Variants in SNAP29 observed in about 807,000 individuals in gnomAD.
SNAP29 encodes the protein synaptosome associated protein 29.
SNAP29 carries 13 observed loss-of-function variants against 27.9 expected under a neutral mutation model. The observed-to-expected ratio is 0.47, with a 90% confidence interval of 0.30 to 0.74. SNAP29 has a LOEUF of 0.74. SNAP29 is among the 30% of genes least tolerant of loss of function. The pLI is 0.06. For missense variants in SNAP29, 368 were observed against 336.5 expected, an observed-to-expected ratio of 1.09 and a Z score of -0.73; for synonymous variants, 119 against 127.1, an observed-to-expected ratio of 0.94 and a Z score of 0.43.
chr22:20,859,378 G>T (rs765697553), intron 1 of SNAP29, 31 bp downstream of exon 1: 4 of 1,429,926 alleles, frequency 2.8e-6, no homozygotes, highest in Non-Finnish European at 4.0e-6. Context: ...GTGTGGACTC[G>T]CCGGTCTCTG....
chr22:20,872,545 C>T (rs1400586698), intron 2 of SNAP29, among the ~76,000 whole-genome samples: 2 of 152,030 alleles, frequency 1.3e-5, no homozygotes, highest in East Asian at 1.9e-4. Flanking sequence ...GGACTACAGG[C>T]GCCTGCCACC....
chr22:20,870,542 A>G lies in SNAP29; in HGVS notation c.434+9A>G, dbSNP rs1405821535. 1.9e-6 allele frequency: 3 copies of G among 1,611,654 alleles called. No individual in the cohort carries two copies. In the South Asian group the frequency reaches 3.3e-5, roughly 18 times the overall value. ...TCCCAGCCCAACAACAGGTGAGTGC[A>G]TCTTCTACCATCTGGGTATAAAGGA... On this transcript the variant is annotated intron_variant, in intron 2 of 4. Coordinates refer to ENST00000215730, the MANE Select transcript of SNAP29 (RefSeq NM_004782.4).
At chr22:20,861,012 G>A (rs980471516) in intron 1 of SNAP29, among the ~76,000 whole-genome samples, 2 of 152,094 alleles carry the variant, frequency 1.3e-5, no homozygotes, top group African/African-American at 2.4e-5. Flanking sequence ...ACTCCAGCTT[G>A]GGCGACAGAG....
In SNAP29 at chr22:20,859,643, G is replaced by T; in HGVS notation, c.237+296G>T. The T allele has an allele frequency of 6.3e-6, 3 of 474,188 alleles. No individual in the cohort carries two copies. The South Asian group carries it at 7.4e-5, about 12-fold the overall frequency. 29.4% of individuals were successfully genotyped at this position (474,188 alleles called of 1,614,324 possible). ...ACGCCAGATTATTTTCTGTCCAGGT[G>T]AGTAAAAATTCTGAACAGCAGGTCC... On this transcript the variant is annotated intron_variant, in intron 1 of 4. Transcript: ENST00000215730.
In SNAP29 at chr22:20,881,236, T is replaced by G. The variant is rs1928884616; in HGVS notation, c.520+102T>G. 4 of 830,914 alleles carry G rather than the reference T, an allele frequency of 4.8e-6. No homozygotes were observed. In the East Asian group the frequency reaches 1.1e-4, roughly 22 times the overall value. The allele number at this position is 830,914 out of a possible 1,614,324, so 51.5% of individuals were successfully genotyped here. ...GGCAGTGGCAACCTCTCTGGGGAGG[T>G]GGGCAGGGGCCCCAGCTGCTGGCAT... On this transcript the variant is annotated intron_variant, in intron 3 of 4. Transcript: ENST00000215730.
intron 2 of SNAP29, among the ~76,000 whole-genome samples, chr22:20,875,170 A>T (rs1601650399): frequency 1.3e-5 from 2 of 152,212 alleles, no homozygotes. Context: ...AGGCAGCCAT[A>T]GTTATTTCAG....
intron 3 of SNAP29, 111 bp from the exon 4 acceptor site, chr22:20,883,360 A>G (rs1378586190): frequency 4.0e-6 from 3 of 752,054 alleles, no homozygotes; most frequent in East Asian, 5.3e-5. Context: ...CTCAGAACCA[A>G]CCCCTTCGTT....
chr22:20,876,568 CTTT>C (rs144163820), intron 2 of SNAP29, among the ~76,000 whole-genome samples: 4 of 117,122 alleles, frequency 3.4e-5, no homozygotes, highest in South Asian at 2.8e-4. Context: ...CACTTAAAAG[CTTT>C]TTTTTTTTTT....
intron 2 of SNAP29, among the ~76,000 whole-genome samples, chr22:20,873,110 G>C (rs991261188): frequency 1.3e-5 from 2 of 151,872 alleles, no homozygotes; most frequent in Non-Finnish European, 2.9e-5. Context: ...GATTATGGGC[G>C]TGAGCCACCA....
chr22:20,882,015 CAG>C (rs1456192297), intron 3 of SNAP29, among the ~76,000 whole-genome samples: 1 of 151,952 alleles, frequency 6.6e-6, no homozygotes, highest in Non-Finnish European at 1.5e-5. Context: ...GAGAGAGCAG[CAG>C]AGTCAGAGAT....
At chr22:20,860,986 A>G (rs192305408) in intron 1 of SNAP29, among the ~76,000 whole-genome samples, 85 of 151,986 alleles carry the variant, frequency 5.6e-4, no homozygotes, top group African/African-American at 1.3e-3. Flanking sequence ...GCAGTGAGCC[A>G]TGTTCATACC....
chr22:20,879,082 C>T (rs186462796), intron 2 of SNAP29, among the ~76,000 whole-genome samples: 380 of 152,172 alleles, frequency 2.5e-3, no homozygotes, highest in East Asian at 8.0e-3. Context: ...CCAAGGTGGG[C>T]GGATCACGAG....
At position 20,881,072 on chromosome 22, in the gene SNAP29, G is replaced by C; in HGVS notation, c.458G>C (p.Ser153Thr). 1 of 1,612,824 alleles carries C rather than the reference G, an allele frequency of 6.2e-7. No homozygotes were observed. Among genetic ancestry groups the C allele is most frequent in the Non-Finnish European group, 8.5e-7 (1 of 1,178,788 alleles). Residue 153 changes from serine to threonine, a missense_variant, in exon 3 of 5, where the codon AGT (serine) becomes ACT (threonine). By Grantham distance (58) the Ser-to-Thr change is moderately conservative. Coordinates refer to ENST00000215730, the MANE Select transcript of SNAP29 (RefSeq NM_004782.4). ...NNRLKEAIST[S>T]KEQEAKYQAS... ...AGATTGAAAGAAGCTATAAGTACAA[G>C]TAAAGAACAGGAAGCAAAGTACCAG...
chr22:20,891,002 G>A lies in SNAP29; in HGVS notation c.*3166G>A, dbSNP rs1242463727. 2 of 152,034 alleles carry A rather than the reference G, an allele frequency of 1.3e-5. No individual in the cohort carries two copies. Among genetic ancestry groups the A allele is most frequent in the African/African-American group, 4.8e-5 (2 of 41,380 alleles). The allele number at this position is 152,034 out of a possible 1,614,324, so 9.4% of individuals were successfully genotyped here. A position where few individuals can be genotyped will look rare whatever the true frequency, so the allele number is the denominator to read the frequency against. On this transcript the variant is annotated 3_prime_UTR_variant, in exon 5 of 5. Coordinates refer to ENST00000215730, the MANE Select transcript of SNAP29 (RefSeq NM_004782.4). ...AGGCAGAAGAATGGCGTGAACTCAGGAGGCGGAGCTTGCAGTGAGCCAAGG... is the reference window on the plus strand; with the variant it reads ...AGGCAGAAGAATGGCGTGAACTCAGAAGGCGGAGCTTGCAGTGAGCCAAGG...
At chr22:20,864,601 G>C (rs1198017959) in intron 1 of SNAP29, among the ~76,000 whole-genome samples, 1 of 152,222 alleles carries the variant, frequency 6.6e-6, no homozygotes, top group Non-Finnish European at 1.5e-5. Flanking sequence ...GATGCAGCCA[G>C]AGTTCTTAGC....
Position 20,870,472 on chromosome 22 carries a change from T to C in SNAP29, c.373T>C (p.Ser125Pro), listed in dbSNP as rs769534084. 1 of 1,613,970 alleles carries C rather than the reference T, an allele frequency of 6.2e-7. No homozygotes were observed. The highest frequency in any genetic ancestry group is 8.5e-7 in the Non-Finnish European group (1 of 1,179,970). Residue 125 changes from serine to proline, a missense_variant, in exon 2 of 5, where the codon TCC becomes CCC. Transcript: ENST00000215730. Reference sequence around the variant, plus strand: ...TGGGGGGCTGGTCAATTACTTCAAATCCAAACCAGTAGAGACCCCACCTGA... The same window carrying C: ...TGGGGGGCTGGTCAATTACTTCAAACCCAAACCAGTAGAGACCCCACCTGA... ...VFGGLVNYFK[S>P]KPVETPPEQN...
intron 1 of SNAP29, among the ~76,000 whole-genome samples, chr22:20,861,857 A>G (rs930547522): frequency 1.3e-5 from 2 of 150,884 alleles, no homozygotes; most frequent in Non-Finnish European, 3.0e-5. Flanking sequence ...CTGGTCTTGA[A>G]CTCCTGACCT....
chr22:20,888,357 T>A lies in SNAP29; in HGVS notation c.*521T>A, dbSNP rs361998. 6,621 of 57,046 alleles carry A rather than the reference T, an allele frequency of 0.12. 466 individuals carry two copies. The highest frequency in any genetic ancestry group is 0.45 in the African/African-American group (5,325 of 11,948). 3.5% of individuals were successfully genotyped at this position (57,046 alleles called of 1,614,324 possible). On this transcript the variant is annotated 3_prime_UTR_variant, in exon 5 of 5. Transcript: ENST00000215730. ...CACACACACACACACACACACACAC[T>A]CTCTGAGCACATTATCTGTGATTCT...
intron 3 of SNAP29, among the ~76,000 whole-genome samples, chr22:20,882,791 G>A (rs1928918738): frequency 6.6e-6 from 1 of 152,212 alleles, no homozygotes; most frequent in Admixed American, 6.5e-5. Flanking sequence ...ACAGTTTGCA[G>A]AATGGTTTCA....
Sources: gnomAD v4.1 joint callset for allele counts (sites outside exome capture counted in the v4.1 genomes callset) on GRCh38, gnomAD v4.1.1 for gene constraint, MANE v1.5 for transcripts, NCBI Gene and HGNC (gene_info 2026-07-23, HGNC 2026-07-21) for gene names.